Variants in ADAMTSL1 observed in about 807,000 individuals in gnomAD.
ADAMTSL1 encodes ADAMTS-like protein 1.
A neutral mutation model predicts 201.8 loss-of-function variants in ADAMTSL1; 126 were observed. The observed-to-expected ratio is 0.62, with a 90% CI of 0.54 to 0.72. The LOEUF (loss-of-function observed/expected upper bound fraction) is 0.72, where lower values mean the gene tolerates loss of function less well. ADAMTSL1 is among the 30% of genes least tolerant of loss of function. The pLI, the probability that ADAMTSL1 is intolerant of heterozygous loss-of-function variation, is 0.00. For synonymous variants in ADAMTSL1, 1,121 were observed against 903.4 expected (o/e 1.24, Z -4.32); for missense variants, 2,679 against 2,277.8 (o/e 1.18, Z -3.59).
intron 1 of ADAMTSL1, among the ~76,000 whole-genome samples, chr9:17,995,339 G>GT (rs1819326382): frequency 6.6e-6 from 1 of 152,106 alleles, no homozygotes; most frequent in South Asian, 2.1e-4. Context: ...TTCTTTGAAG[G>GT]TAGGACTGCT....
At chr9:17,930,645 C>A (rs566241740) in intron 1 of ADAMTSL1, among the ~76,000 whole-genome samples, 64 of 152,212 alleles carry the variant, frequency 4.2e-4, no homozygotes, top group African/African-American at 1.5e-3. Context: ...AATATAGAAA[C>A]CCTAAAGAAT....
intron 1 of ADAMTSL1, among the ~76,000 whole-genome samples, chr9:18,052,540 A>G (rs932200954): frequency 4.6e-5 from 7 of 152,120 alleles, no homozygotes; most frequent in Admixed American, 4.6e-4. Flanking sequence ...CCTGGCCTAG[A>G]CTTTGCTTGG....
At position 18,679,512 on chromosome 9, in the gene ADAMTSL1, G is replaced by A. The variant is rs577962759; in HGVS notation, c.1137-800G>A. 9.3e-4 allele frequency among the ~76,000 whole-genome samples: 142 copies of A among 152,102 alleles called. 2 individuals carry two copies. The highest frequency in any genetic ancestry group is 2.3e-3 in the South Asian group (11 of 4,812). ...GCTCTGAAAAAAAAAATCAATGGAA[G>A]TCTCTTAAATGTTTTGACAATATTG... On this transcript the variant is annotated intron_variant, in intron 10 of 28. Coordinates refer to ENST00000380548, the MANE Select transcript of ADAMTSL1 (RefSeq NM_001040272.6).
intron 1 of ADAMTSL1, among the ~76,000 whole-genome samples, chr9:18,067,112 A>G (rs4461993): frequency 0.58 from 87,571 of 151,884 alleles, 25,763 homozygotes; most frequent in African/African-American, 0.7. Context: ...CATTGTGCAC[A>G]TGTACCCTAA....
chr9:18,762,117 G>T (rs1261933465), intron 16 of ADAMTSL1, among the ~76,000 whole-genome samples: 1 of 152,192 alleles, frequency 6.6e-6, no homozygotes, highest in African/African-American at 2.4e-5. Context: ...CATGCTCTTT[G>T]CCAGATACTC....
intron 10 of ADAMTSL1, among the ~76,000 whole-genome samples, chr9:18,679,978 A>G (rs1368127412): frequency 2.0e-5 from 3 of 152,230 alleles, no homozygotes; most frequent in Admixed American, 2.0e-4. Flanking sequence ...AATTTTATAT[A>G]TACATATCCT....
At chr9:18,314,931 G>A (rs889612444) in intron 2 of ADAMTSL1, among the ~76,000 whole-genome samples, 8 of 150,388 alleles carry the variant, frequency 5.3e-5, no homozygotes, top group African/African-American at 1.2e-4. Flanking sequence ...CGAGTAGCTG[G>A]GACTACAGGC....
At chr9:18,668,693 A>G (rs1438214355) in intron 9 of ADAMTSL1, among the ~76,000 whole-genome samples, 1 of 152,216 alleles carries the variant, frequency 6.6e-6, no homozygotes, top group East Asian at 1.9e-4. Flanking sequence ...CAACATATGT[A>G]AAGTCCTTAG....
chr9:18,034,634 T>C (rs1821116536), intron 1 of ADAMTSL1, among the ~76,000 whole-genome samples: 1 of 152,206 alleles, frequency 6.6e-6, no homozygotes. Flanking sequence ...TTTTCTCTCC[T>C]TCTCTGTGGA....
intron 14 of ADAMTSL1, among the ~76,000 whole-genome samples, chr9:18,711,489 G>A (rs867153725): frequency 3.2e-4 from 48 of 152,220 alleles, no homozygotes; most frequent in Admixed American, 2.0e-3. Flanking sequence ...GGTGACAGAC[G>A]GCACCTGGAA....
At chr9:18,038,027 G>T (rs113643182) in intron 1 of ADAMTSL1, among the ~76,000 whole-genome samples, 3,172 of 152,260 alleles carry the variant, frequency 0.021, 48 homozygotes, top group Middle Eastern at 0.041. Context: ...GATGATACGA[G>T]AAATCAAAGA....
chr9:18,624,104 G>T (rs1202972897), intron 5 of ADAMTSL1, among the ~76,000 whole-genome samples: 2 of 152,100 alleles, frequency 1.3e-5, no homozygotes, highest in Admixed American at 6.5e-5. Context: ...ACAAACACAT[G>T]AAAAATTGGA....
intron 2 of ADAMTSL1, among the ~76,000 whole-genome samples, chr9:18,372,063 C>A (rs1036807979): frequency 4.6e-5 from 7 of 152,156 alleles, no homozygotes; most frequent in Non-Finnish European, 8.8e-5. Context: ...AACAAAGAGA[C>A]TTGAAAGTCA....
At chr9:17,916,671 G>C (rs1270275525) in intron 1 of ADAMTSL1, among the ~76,000 whole-genome samples, 2 of 152,142 alleles carry the variant, frequency 1.3e-5, no homozygotes, top group African/African-American at 4.8e-5. Context: ...TGAAGTACAT[G>C]TTTATTGCTA....
At chr9:18,822,097 T>G (rs1474900519) in intron 21 of ADAMTSL1, among the ~76,000 whole-genome samples, 1 of 152,136 alleles carries the variant, frequency 6.6e-6, no homozygotes. Flanking sequence ...TTCGCTGTTT[T>G]AAGATACAAA....
intron 3 of ADAMTSL1, among the ~76,000 whole-genome samples, chr9:18,538,800 C>A (rs573851987): frequency 5.3e-5 from 8 of 152,222 alleles, no homozygotes; most frequent in African/African-American, 1.9e-4. Context: ...TCTCATAAGG[C>A]CTTTGTATAT....
chr9:18,168,109 T>C (rs547399685), intron 2 of ADAMTSL1, among the ~76,000 whole-genome samples: 6 of 152,186 alleles, frequency 3.9e-5, no homozygotes, highest in African/African-American at 1.2e-4. Context: ...TTATATTTTT[T>C]CTTAACTAGT....
At chr9:18,075,632 C>G (rs1823186260) in intron 1 of ADAMTSL1, among the ~76,000 whole-genome samples, 1 of 152,340 alleles carries the variant, frequency 6.6e-6, no homozygotes, top group Non-Finnish European at 1.5e-5. Flanking sequence ...AAAACAGTTT[C>G]ATTTCTAAAG....
At chr9:18,192,087 T>C (rs1828994991) in intron 2 of ADAMTSL1, among the ~76,000 whole-genome samples, 1 of 152,178 alleles carries the variant, frequency 6.6e-6, no homozygotes, top group Admixed American at 6.6e-5. Flanking sequence ...CATGTTGCTA[T>C]CTTCATGCTT....
Sources: allele counts gnomAD v4.1 joint callset (sites outside exome capture counted in the v4.1 genomes callset), GRCh38; gene constraint gnomAD v4.1.1; transcripts MANE v1.5; gene names NCBI Gene and HGNC (gene_info 2026-07-23, HGNC 2026-07-21).